The following DCUN1D4 variants were observed in gnomAD, a reference collection of about 807,000 sequenced individuals.
DCUN1D4 encodes the protein defective in cullin neddylation 1 domain containing 4.
In DCUN1D4, 22 loss-of-function variants were observed where a neutral mutation model predicts 47.9. The observed-to-expected ratio is 0.46, with a 90% CI of 0.33 to 0.66. The LOEUF is 0.66. Ranked by LOEUF, DCUN1D4 falls within the 30% of genes least tolerant of loss-of-function variation. The probability of loss-of-function intolerance (pLI) is 0.02; values close to 1 mark genes in which losing one functional copy is unlikely to be tolerated. For missense variants in DCUN1D4, 301 were observed against 340.8 expected (o/e 0.88, Z 0.92); for synonymous variants, 121 against 112.2 (o/e 1.08, Z -0.50).
chr4:51,848,833 A>G (rs1722944211), intron 1 of DCUN1D4, among the ~76,000 whole-genome samples: 1 of 152,196 alleles, frequency 6.6e-6, no homozygotes, highest in South Asian at 2.1e-4. Flanking sequence ...CTAGGAAGAT[A>G]GGCTTGTCAT....
At chr4:51,882,654 C>A (rs1294110901) in intron 5 of DCUN1D4, among the ~76,000 whole-genome samples, 2 of 152,110 alleles carry the variant, frequency 1.3e-5, no homozygotes, top group Non-Finnish European at 2.9e-5. Context: ...GTAGTCCCAG[C>A]TACTCTGGAA....
At chr4:51,894,501 C>T (rs961207698) in intron 7 of DCUN1D4, among the ~76,000 whole-genome samples, 3 of 150,432 alleles carry the variant, frequency 2.0e-5, no homozygotes, top group African/African-American at 7.3e-5. Flanking sequence ...AAGATAAAGT[C>T]CATTAAGAGG....
At chr4:51,893,868 G>A (rs1473048318) in intron 7 of DCUN1D4, among the ~76,000 whole-genome samples, 2 of 152,186 alleles carry the variant, frequency 1.3e-5, no homozygotes, top group African/African-American at 4.8e-5. Context: ...TTAAGAAGGT[G>A]TGATACCCAG....
At chr4:51,834,914 G>A in the DCUN1D4 span, among the ~76,000 whole-genome samples, 1 of 152,216 alleles carries the variant, frequency 6.6e-6, no homozygotes, top group Non-Finnish European at 1.5e-5. Flanking sequence ...TTGTGGTCCT[G>A]TTTCCAGATC....
chr4:51,906,690 TAC>T lies in DCUN1D4; in HGVS notation c.616-4377_616-4376del, dbSNP rs1732947618. ...TGGAGTCATCTAAGCCCGGGTCTAT[TAC>T]ACTGAAAATCTTAGTTTTATCCTTA... On this transcript the variant is annotated intron_variant, in intron 8 of 10. Coordinates refer to ENST00000334635, the MANE Select transcript of DCUN1D4 (RefSeq NM_001040402.3). Among the ~76,000 whole-genome samples the T allele has an allele frequency of 2.6e-5, 4 of 152,368 alleles. No individual in the cohort carries two copies. The East Asian group carries it at 7.7e-4, about 29-fold the overall frequency.
intron 3 of DCUN1D4, among the ~76,000 whole-genome samples, chr4:51,864,785 T>G (rs193144615): frequency 3.3e-5 from 5 of 152,258 alleles, no homozygotes; most frequent in Admixed American, 3.3e-4. Context: ...AGCATGTAAA[T>G]TTTGGAGGGG....
At chr4:51,872,539 C>G (rs1026504936) in intron 3 of DCUN1D4, among the ~76,000 whole-genome samples, 1 of 152,202 alleles carries the variant, frequency 6.6e-6, no homozygotes. Context: ...TGAACACTCC[C>G]TTCTCAAAGC....
chr4:51,857,853 A>G (rs1051334230), intron 1 of DCUN1D4, among the ~76,000 whole-genome samples: 2 of 152,156 alleles, frequency 1.3e-5, no homozygotes, highest in African/African-American at 4.8e-5. Context: ...GTGCCTTTGT[A>G]TCTGCGTTTA....
upstream of DCUN1D4, among the ~76,000 whole-genome samples, chr4:51,842,586 A>G (rs999115489): frequency 1.3e-5 from 2 of 152,214 alleles, no homozygotes; most frequent in Admixed American, 6.5e-5. Flanking sequence ...AGCAGCTGAC[A>G]AGAGAAGTCC....
chr4:51,855,077 C>T (rs1322441187), intron 1 of DCUN1D4, among the ~76,000 whole-genome samples: 2 of 152,102 alleles, frequency 1.3e-5, no homozygotes, highest in African/African-American at 4.8e-5. Context: ...TCCCTATCCT[C>T]ATGGAACTTG....
intron 8 of DCUN1D4, among the ~76,000 whole-genome samples, chr4:51,907,568 T>A (rs1053159281): frequency 6.6e-6 from 1 of 152,234 alleles, no homozygotes; most frequent in African/African-American, 2.4e-5. Context: ...TCACCATTTA[T>A]GTTTGGAATT....
chr4:51,843,025 G>C (rs1380582601), upstream of DCUN1D4: 1 of 1,355,092 alleles, frequency 7.4e-7, no homozygotes, highest in African/African-American at 1.5e-5. Flanking sequence ...CTCGTTGCCA[G>C]CTCCAGACCG....
At chr4:51,836,473 AT>A in the DCUN1D4 span, among the ~76,000 whole-genome samples, 9 of 152,048 alleles carry the variant, frequency 5.9e-5, no homozygotes, top group South Asian at 1.9e-3. Context: ...TTCTTTTTCA[AT>A]TTTGGAACCA....
At chr4:51,890,246 A>C (rs1730206101) in intron 6 of DCUN1D4, among the ~76,000 whole-genome samples, 1 of 152,206 alleles carries the variant, frequency 6.6e-6, no homozygotes, top group South Asian at 2.1e-4. Flanking sequence ...AAATCATTAA[A>C]AATGATTTCT....
intron 9 of DCUN1D4, 85 bp from the exon 10 acceptor site, chr4:51,913,203 TAA>T (rs1447765822): frequency 1.2e-6 from 1 of 815,644 alleles, no homozygotes; most frequent in Non-Finnish European, 1.9e-6. Flanking sequence ...TACATGAACT[TAA>T]TTAAGTTGAT....
intron 7 of DCUN1D4, among the ~76,000 whole-genome samples, chr4:51,897,423 A>G (rs926772604): frequency 3.9e-5 from 6 of 152,194 alleles, no homozygotes; most frequent in Non-Finnish European, 7.3e-5. Flanking sequence ...ATATATTGAT[A>G]ATACTTGGTG....
At chr4:51,843,134 T>G (rs1301955262), upstream of DCUN1D4, 3 of 1,494,652 alleles carry the variant, frequency 2.0e-6, no homozygotes, top group African/African-American at 1.4e-5. Context: ...GGGCTGGGAG[T>G]GCCCGGCGGC....
intron 1 of DCUN1D4, among the ~76,000 whole-genome samples, chr4:51,844,621 C>T (rs1349319084): frequency 1.3e-5 from 2 of 151,906 alleles, no homozygotes; most frequent in Non-Finnish European, 2.9e-5. Flanking sequence ...TGCCATGGAA[C>T]CCGCTTCCTT....
chr4:51,845,933 C>T (rs1722476273), intron 1 of DCUN1D4, among the ~76,000 whole-genome samples: 1 of 152,154 alleles, frequency 6.6e-6, no homozygotes, highest in South Asian at 2.1e-4. Context: ...ATCCAGGAAA[C>T]TCTTGGTAAT....
Sources: allele counts gnomAD v4.1 joint callset (sites outside exome capture counted in the v4.1 genomes callset), GRCh38; gene constraint gnomAD v4.1.1; transcripts MANE v1.5; gene names NCBI Gene and HGNC (gene_info 2026-07-23, HGNC 2026-07-21).